Variants in EFNA5 observed in about 807,000 individuals in gnomAD.
EFNA5 encodes ephrin-A5.
In EFNA5, 5 loss-of-function variants were observed where a neutral mutation model predicts 22.9. The ratio of observed to expected loss-of-function variants is 0.22; its 90% CI spans 0.11 to 0.46. The LOEUF is 0.46. Among genes scored for constraint, EFNA5 ranks in the 20% least tolerant of loss-of-function variants. The probability of loss-of-function intolerance (pLI) is 0.99; values close to 1 mark genes in which losing one functional copy is unlikely to be tolerated. For synonymous variants in EFNA5, 113 were observed against 112.2 expected, an observed-to-expected ratio of 1.01 and a Z score of -0.04; for missense variants, 237 against 293.3, an observed-to-expected ratio of 0.81 and a Z score of 1.40.
At chr5:107,458,737 A>T (rs1162647982) in intron 1 of EFNA5, among the ~76,000 whole-genome samples, 3 of 152,190 alleles carry the variant, frequency 2.0e-5, no homozygotes, top group African/African-American at 7.2e-5. Context: ...TCTATCTCAC[A>T]ACACCATTTA....
At chr5:107,454,334 GT>G (rs1749637627) in intron 1 of EFNA5, among the ~76,000 whole-genome samples, 1 of 151,910 alleles carries the variant, frequency 6.6e-6, no homozygotes. Context: ...TCATCAATAT[GT>G]TAATGAAAAT....
intron 1 of EFNA5, among the ~76,000 whole-genome samples, chr5:107,537,069 C>T (rs1158867459): frequency 6.6e-6 from 1 of 151,006 alleles, no homozygotes; most frequent in East Asian, 1.9e-4. Flanking sequence ...CGTGCCACTG[C>T]ACTCCAGCCT....
At position 107,427,262 on chromosome 5, in the gene EFNA5, A is replaced by G; in HGVS notation, c.373T>C (p.Ser125Pro). 1 of 1,614,134 alleles carries G rather than the reference A, an allele frequency of 6.2e-7. No individual in the cohort carries two copies. The highest frequency in any genetic ancestry group is 2.2e-5 in the East Asian group (1 of 44,864). ...CCTGGCCTGAATTCAAATCCTAGAG[A>G]AAAGGGAGTGAAGAGCTGGAATTTT... ...SEKFQLFTPF[S>P]LGFEFRPGRE... The change falls in exon 2 of 5, where the codon TCT becomes CCT. Residue 125 changes from serine (S) to proline (P), a missense_variant. Physicochemically the swap from Ser to Pro is moderately conservative, Grantham distance 74 (BLOSUM62 -1). This residue lies in a region of EFNA5 where 13 missense variants were observed against 38.3 expected (regional missense o/e 0.34). Coordinates refer to ENST00000333274, the MANE Select transcript of EFNA5 (RefSeq NM_001962.3).
intron 1 of EFNA5, among the ~76,000 whole-genome samples, chr5:107,554,605 T>A (rs1748368184): frequency 6.6e-6 from 1 of 152,036 alleles, no homozygotes; most frequent in Non-Finnish European, 1.5e-5. Context: ...AAAAAGGAGG[T>A]AGGAAGAAAC....
At chr5:107,382,131 TTAAG>T (rs1350209063) in intron 4 of EFNA5, among the ~76,000 whole-genome samples, 1 of 152,212 alleles carries the variant, frequency 6.6e-6, no homozygotes, top group Non-Finnish European at 1.5e-5. Context: ...ATAAAATAGA[TTAAG>T]TGAGTTAAGC....
intron 1 of EFNA5, among the ~76,000 whole-genome samples, chr5:107,534,564 T>A (rs185330784): frequency 1.1e-3 from 172 of 152,346 alleles, no homozygotes; most frequent in African/African-American, 3.8e-3. Context: ...GCTTTTCTTC[T>A]TTTTAGCTGA....
At chr5:107,438,985 C>T (rs912419614) in intron 1 of EFNA5, among the ~76,000 whole-genome samples, 6 of 152,194 alleles carry the variant, frequency 3.9e-5, no homozygotes, top group Admixed American at 2.6e-4. Flanking sequence ...GTAACTGCTA[C>T]ATTTATGTCA....
chr5:107,407,400 G>A (rs1461495964), intron 2 of EFNA5, among the ~76,000 whole-genome samples: 1 of 152,080 alleles, frequency 6.6e-6, no homozygotes, highest in Non-Finnish European at 1.5e-5. Flanking sequence ...AAGTTTATGG[G>A]GGATCATTTA....
intron 2 of EFNA5, among the ~76,000 whole-genome samples, chr5:107,394,382 A>C (rs1747865118): frequency 6.6e-6 from 1 of 152,206 alleles, no homozygotes; most frequent in African/African-American, 2.4e-5. Context: ...AATATCATGT[A>C]AATATTAGAA....
chr5:107,520,851 G>A (rs754029876), intron 1 of EFNA5, among the ~76,000 whole-genome samples: 1 of 152,160 alleles, frequency 6.6e-6, no homozygotes, highest in East Asian at 1.9e-4. Flanking sequence ...AACAGTGATA[G>A]CTCAGGGTAC....
intron 2 of EFNA5, among the ~76,000 whole-genome samples, chr5:107,396,067 T>A (rs1453659174): frequency 6.6e-6 from 1 of 152,238 alleles, no homozygotes; most frequent in African/African-American, 2.4e-5. Context: ...ACAGCACTAA[T>A]GTAGCATGAC....
Position 107,497,385 on chromosome 5 carries a change from G to A in EFNA5, c.126-69876C>T, listed in dbSNP as rs111549870. Among the ~76,000 whole-genome samples the A allele has an allele frequency of 3.8e-3, 574 of 152,224 alleles. 3 individuals are homozygous for A. The highest frequency in any genetic ancestry group is 0.011 in the African/African-American group (467 of 41,540). ...TGCTAACCACATCTAGAAGGTAAAC[G>A]GAGCCTTATATGGAGAAATAATACT... On this transcript the variant is annotated intron_variant, in intron 1 of 4. Coordinates refer to ENST00000333274, the MANE Select transcript of EFNA5 (RefSeq NM_001962.3).
chr5:107,627,582 G>T (rs976908428), intron 1 of EFNA5, among the ~76,000 whole-genome samples: 1 of 143,820 alleles, frequency 7.0e-6, no homozygotes, highest in African/African-American at 2.6e-5. Context: ...GTTGCTGTGA[G>T]CTATGATTGT....
intron 2 of EFNA5, among the ~76,000 whole-genome samples, chr5:107,410,022 C>CTT (rs70996956): frequency 2.8e-3 from 250 of 87,986 alleles, no homozygotes; most frequent in East Asian, 9.7e-3. Flanking sequence ...TGACATGATT[C>CTT]TTTTTTTTTT....
intron 1 of EFNA5, among the ~76,000 whole-genome samples, chr5:107,638,133 T>G (rs1040734234): frequency 4.6e-5 from 7 of 152,074 alleles, no homozygotes; most frequent in Non-Finnish European, 8.8e-5. Context: ...GATTACAGGC[T>G]TGAGCCATCG....
intron 1 of EFNA5, among the ~76,000 whole-genome samples, chr5:107,554,923 G>T (rs1385222801): frequency 6.6e-6 from 1 of 152,212 alleles, no homozygotes; most frequent in African/African-American, 2.4e-5. Context: ...GCTTCTGCCA[G>T]CTGGGAGGGA....
chr5:107,409,913 C>T (rs1345225108), intron 2 of EFNA5, among the ~76,000 whole-genome samples: 1 of 151,890 alleles, frequency 6.6e-6, no homozygotes, highest in East Asian at 1.9e-4. Flanking sequence ...TTTGTTCTCA[C>T]ATTTTGGATC....
intron 2 of EFNA5, among the ~76,000 whole-genome samples, chr5:107,407,090 G>A (rs937164771): frequency 5.9e-5 from 9 of 152,122 alleles, no homozygotes; most frequent in African/African-American, 1.4e-4. Context: ...TAGTTTAAAC[G>A]TACCTTTGAA....
At chr5:107,450,030 C>A (rs1441039775) in intron 1 of EFNA5, among the ~76,000 whole-genome samples, 1 of 152,168 alleles carries the variant, frequency 6.6e-6, no homozygotes, top group African/African-American at 2.4e-5. Flanking sequence ...ACTTGCACAT[C>A]TCAAAGGGGA....
Sources: allele counts gnomAD v4.1 joint callset (sites outside exome capture counted in the v4.1 genomes callset), GRCh38; gene constraint gnomAD v4.1.1; regional missense constraint gnomAD v4.1.1; transcripts MANE v1.5; gene names NCBI Gene and HGNC (gene_info 2026-07-23, HGNC 2026-07-21).